The following ROBO1 variants were observed in gnomAD, a reference collection of about 807,000 sequenced individuals.
ROBO1 encodes roundabout homolog 1.
A neutral mutation model predicts 195.9 loss-of-function variants in ROBO1; 149 were observed. The observed-to-expected ratio is 0.76, with a 90% confidence interval of 0.67 to 0.87. The LOEUF is 0.87. Among genes scored for constraint, ROBO1 ranks in the 40% least tolerant of loss-of-function variants. The pLI, the probability that ROBO1 is intolerant of heterozygous loss-of-function variation, is 0.00. For missense variants in ROBO1, 1,933 were observed against 2,068.3 expected, an observed-to-expected ratio of 0.93 and a Z score of 1.27; for synonymous variants, 816 against 733.2, an observed-to-expected ratio of 1.11 and a Z score of -1.82.
chr3:78,846,541 G>A (rs941018823), intron 4 of ROBO1, among the ~76,000 whole-genome samples: 2 of 151,922 alleles, frequency 1.3e-5, no homozygotes, highest in East Asian at 1.9e-4. Context: ...TCAGAAAAAA[G>A]CATTTAAGCC....
At chr3:79,588,086 T>C (rs1370520083) in intron 2 of ROBO1, among the ~76,000 whole-genome samples, 5 of 151,726 alleles carry the variant, frequency 3.3e-5, no homozygotes, top group Non-Finnish European at 5.9e-5. Flanking sequence ...GCGGTGAATT[T>C]TTTAACTAAC....
chr3:79,665,369 CCTT>C (rs1179670652), intron 1 of ROBO1, among the ~76,000 whole-genome samples: 1 of 151,738 alleles, frequency 6.6e-6, no homozygotes, highest in Non-Finnish European at 1.5e-5. Context: ...GTATAAGTCT[CCTT>C]GTTTTATTCT....
intron 8 of ROBO1, among the ~76,000 whole-genome samples, chr3:78,700,278 T>A (rs1320816662): frequency 6.6e-6 from 1 of 152,218 alleles, no homozygotes; most frequent in Admixed American, 6.5e-5. Flanking sequence ...TAGGTTATAA[T>A]AAGCTCTGTG....
intron 1 of ROBO1, among the ~76,000 whole-genome samples, chr3:79,686,253 T>C (rs897519916): frequency 5.3e-4 from 81 of 152,206 alleles, no homozygotes; most frequent in African/African-American, 1.9e-3. Flanking sequence ...GACAAACCCA[T>C]AGCCAATATC....
chr3:79,022,120 G>A (rs1383104429), intron 3 of ROBO1, among the ~76,000 whole-genome samples: 2 of 152,048 alleles, frequency 1.3e-5, no homozygotes, highest in African/African-American at 4.8e-5. Flanking sequence ...CTATTATATT[G>A]GTAAAGATGG....
At chr3:79,517,103 C>A (rs571266950) in intron 2 of ROBO1, among the ~76,000 whole-genome samples, 2 of 152,266 alleles carry the variant, frequency 1.3e-5, no homozygotes, top group East Asian at 3.9e-4. Flanking sequence ...AAAAATCATG[C>A]GCAGTCATTC....
At chr3:79,580,508 CAAAT>C (rs368835751) in intron 2 of ROBO1, among the ~76,000 whole-genome samples, 252 of 151,742 alleles carry the variant, frequency 1.7e-3, no homozygotes, top group African/African-American at 5.7e-3. Flanking sequence ...AACACACAAA[CAAAT>C]AAATAAATAA....
chr3:79,741,531 C>G (rs939960066), intron 1 of ROBO1, among the ~76,000 whole-genome samples: 1 of 152,162 alleles, frequency 6.6e-6, no homozygotes, highest in Non-Finnish European at 1.5e-5. Flanking sequence ...GCAGCTATTT[C>G]TGATGTCCCT....
chr3:79,518,166 A>G (rs1941034455), intron 2 of ROBO1, among the ~76,000 whole-genome samples: 1 of 152,206 alleles, frequency 6.6e-6, no homozygotes, highest in African/African-American at 2.4e-5. Context: ...TTGAATGTAC[A>G]TTTCTACAAA....
At chr3:79,715,121 G>A (rs1702432675) in intron 1 of ROBO1, among the ~76,000 whole-genome samples, 1 of 152,080 alleles carries the variant, frequency 6.6e-6, no homozygotes, top group African/African-American at 2.4e-5. Context: ...GGTTTCTGGA[G>A]ATGGAATGTA....
At chr3:79,450,815 A>T (rs2039419717) in intron 2 of ROBO1, among the ~76,000 whole-genome samples, 1 of 151,950 alleles carries the variant, frequency 6.6e-6, no homozygotes, top group Non-Finnish European at 1.5e-5. Context: ...AAATGATAAA[A>T]ATATGTCCAA....
intron 1 of ROBO1, among the ~76,000 whole-genome samples, chr3:79,700,217 T>G (rs1256457872): frequency 6.6e-6 from 1 of 151,704 alleles, no homozygotes; most frequent in Non-Finnish European, 1.5e-5. Flanking sequence ...TTTTCTTTAT[T>G]CAATCCACCA....
chr3:79,641,678 A>G (rs1340346882), intron 1 of ROBO1, among the ~76,000 whole-genome samples: 3 of 99,758 alleles, frequency 3.0e-5, no homozygotes, highest in Admixed American at 3.0e-4. Flanking sequence ...GTGATCCAAT[A>G]TAACACACAC....
intron 17 of ROBO1, 118 bp from the exon 18 acceptor site, chr3:78,657,387 A>G (rs2107648664): frequency 2.1e-6 from 2 of 958,958 alleles, no homozygotes; most frequent in Middle Eastern, 2.4e-4. Context: ...CACTACCATA[A>G]GAAGTTTCCA....
chr3:79,054,616 A>G (rs762396462), intron 3 of ROBO1, among the ~76,000 whole-genome samples: 2 of 152,122 alleles, frequency 1.3e-5, no homozygotes, highest in Non-Finnish European at 2.9e-5. Flanking sequence ...GCCTGCTATA[A>G]TTGAGGTCAA....
At chr3:79,716,185 A>T (rs556436661) in intron 1 of ROBO1, among the ~76,000 whole-genome samples, 233 of 152,114 alleles carry the variant, frequency 1.5e-3, no homozygotes, top group African/African-American at 5.3e-3. Context: ...ATTATATCTG[A>T]TTTGTCATGA....
At position 79,753,269 on chromosome 3, in the gene ROBO1, T is replaced by C. The variant is rs556043324; in HGVS notation, c.-51+14483A>G. The stretch of plus-strand genomic sequence containing the variant: ...GCAATTCTGATTTAAATGATTGGGG[T>C]GCAAACTGGATACTGGGATTTAAAA... On this transcript the variant is annotated intron_variant, in intron 1 of 30. Coordinates refer to ENST00000464233, the MANE Select transcript of ROBO1 (RefSeq NM_002941.4). 2.0e-5 allele frequency among the ~76,000 whole-genome samples: 3 copies of C among 151,000 alleles called. No individual in the cohort carries two copies. The Middle Eastern group carries it at 0.01, about 517-fold the overall frequency.
intron 8 of ROBO1, among the ~76,000 whole-genome samples, chr3:78,697,501 G>C (rs1037547576): frequency 5.9e-5 from 9 of 152,132 alleles, no homozygotes; most frequent in East Asian, 1.9e-4. Context: ...AACTACCAAT[G>C]CCACAAGAAA....
intron 2 of ROBO1, among the ~76,000 whole-genome samples, chr3:79,333,391 A>G (rs889115533): frequency 1.3e-5 from 2 of 152,012 alleles, no homozygotes; most frequent in African/African-American, 4.8e-5. Flanking sequence ...CATGTAAATC[A>G]CACATATCCT....
Sources: gnomAD v4.1 joint callset for allele counts (sites outside exome capture counted in the v4.1 genomes callset) on GRCh38, gnomAD v4.1.1 for gene constraint, MANE v1.5 for transcripts, NCBI Gene and HGNC (gene_info 2026-07-23, HGNC 2026-07-21) for gene names.